Variants in PHKB observed in about 807,000 individuals in gnomAD.
PHKB encodes phosphorylase kinase regulatory subunit beta.
Under a neutral mutation model 152.1 loss-of-function variants are expected in PHKB, and 122 were observed. That is an observed-to-expected ratio of 0.80 (90% CI 0.69 to 0.93). The LOEUF (loss-of-function observed/expected upper bound fraction) is 0.93, where lower values mean the gene tolerates loss of function less well. Among genes scored for constraint, PHKB ranks in the 40% least tolerant of loss-of-function variants. PHKB has a pLI of 0.00. For synonymous variants in PHKB, 436 were observed against 464.9 expected (o/e 0.94, Z 0.80); for missense variants, 1,304 against 1,328.4 (o/e 0.98, Z 0.29).
At chr16:47,519,770 A>G (rs768573520) in intron 6 of PHKB, among the ~76,000 whole-genome samples, 1 of 152,238 alleles carries the variant, frequency 6.6e-6, no homozygotes, top group Non-Finnish European at 1.5e-5. Flanking sequence ...GGAGTTACGT[A>G]TGATCAGGAG....
chr16:47,542,075 C>G (rs907384900), intron 6 of PHKB, among the ~76,000 whole-genome samples: 1 of 152,138 alleles, frequency 6.6e-6, no homozygotes, highest in African/African-American at 2.4e-5. Context: ...CTTGCCCATG[C>G]CTATGTCCTG....
chr16:47,641,114 T>C, intron 15 of PHKB, 24 bp downstream of exon 15: 1 of 1,600,214 alleles, frequency 6.2e-7, no homozygotes, highest in Non-Finnish European at 8.6e-7. Flanking sequence ...GTGGGTGGTG[T>C]GTTTTTTTGT....
At chr16:47,489,695 T>C (rs1478721640) in intron 1 of PHKB, among the ~76,000 whole-genome samples, 1 of 152,202 alleles carries the variant, frequency 6.6e-6, no homozygotes, top group Non-Finnish European at 1.5e-5. Flanking sequence ...TTAGGAGCAC[T>C]GTACAAGAAC....
At chr16:47,511,348 C>T (rs1412089490) in intron 4 of PHKB, among the ~76,000 whole-genome samples, 2 of 152,160 alleles carry the variant, frequency 1.3e-5, no homozygotes, top group African/African-American at 4.8e-5. Context: ...TGTCTCACAA[C>T]ATAAAGCAGA....
Position 47,463,264 on chromosome 16 carries a change from C to G in PHKB, c.76+1838C>G, listed in dbSNP as rs187976248. 2.3e-3 allele frequency: 353 copies of G among 152,672 alleles called. 1 individual carries two copies. Among genetic ancestry groups the G allele is most frequent in the Non-Finnish European group, 3.4e-3 (230 of 68,010 alleles). 9.5% of individuals were successfully genotyped at this position (152,672 alleles called of 1,614,324 possible). ...CTTTTCTTAGCTGAGAAAAAAAATT[C>G]TAGTGTTAACTGTTGTTGAGTGCAG... On this transcript the variant is annotated intron_variant, in intron 1 of 30. Transcript: ENST00000323584.
At chr16:47,682,130 G>A (rs984025024) in intron 26 of PHKB, among the ~76,000 whole-genome samples, 3 of 152,134 alleles carry the variant, frequency 2.0e-5, no homozygotes, top group Non-Finnish European at 4.4e-5. Flanking sequence ...CAAGAGATCC[G>A]CTGTTAGTCT....
intron 4 of PHKB, among the ~76,000 whole-genome samples, chr16:47,504,942 G>T (rs1433502159): frequency 6.6e-6 from 1 of 152,352 alleles, no homozygotes; most frequent in East Asian, 1.9e-4. Flanking sequence ...GATGAACTGT[G>T]CCTGGTCAGG....
chr16:47,552,368 T>A (rs8051273), intron 7 of PHKB, among the ~76,000 whole-genome samples: 10,482 of 152,230 alleles, frequency 0.069, 605 homozygotes, highest in African/African-American at 0.15. Flanking sequence ...TTCCTTTCCA[T>A]ATGTAGTGCT....
At chr16:47,691,893 A>G (rs994541597) in intron 27 of PHKB, among the ~76,000 whole-genome samples, 1 of 152,190 alleles carries the variant, frequency 6.6e-6, no homozygotes. Flanking sequence ...TTGTCCTACG[A>G]AGTATCTCCT....
In PHKB at chr16:47,469,123, T is replaced by C. The variant is rs1195066010; in HGVS notation, c.76+7697T>C. ...AAGCTATATAAAAGCAGAGACTTAC[T>C]TGTTTTGTGCATAGCTGTATCCCTA... On this transcript the variant is annotated intron_variant, in intron 1 of 30. Coordinates refer to ENST00000323584, the MANE Select transcript of PHKB (RefSeq NM_000293.3). Among the ~76,000 whole-genome samples, 13 of 152,228 alleles carry C rather than the reference T, an allele frequency of 8.5e-5. 1 individual carries two copies. The highest frequency in any genetic ancestry group is 8.5e-4 in the Admixed American group (13 of 15,282).
intron 24 of PHKB, 168 bp downstream of exon 24, chr16:47,663,902 C>T (rs576178560): frequency 3.0e-5 from 19 of 639,958 alleles, no homozygotes; most frequent in African/African-American, 1.6e-4. Flanking sequence ...GTCTGTCCCC[C>T]CACTGCCTCC....
intron 1 of PHKB, among the ~76,000 whole-genome samples, chr16:47,495,358 G>C (rs903549138): frequency 3.3e-5 from 5 of 151,796 alleles, no homozygotes; most frequent in Non-Finnish European, 7.4e-5. Flanking sequence ...AATGCAGGTT[G>C]ATTTAAGTTT....
At chr16:47,513,130 G>A (rs368455480) in intron 5 of PHKB, among the ~76,000 whole-genome samples, 5 of 152,164 alleles carry the variant, frequency 3.3e-5, no homozygotes, top group East Asian at 1.9e-4. Context: ...CCCAGATTCA[G>A]CTCAGTGCTT....
intron 6 of PHKB, among the ~76,000 whole-genome samples, chr16:47,546,588 G>A (rs1050787420): frequency 3.3e-5 from 5 of 152,212 alleles, no homozygotes; most frequent in Admixed American, 3.3e-4. Context: ...GAGGCAGTTT[G>A]TCTGTTCTTA....
At chr16:47,593,418 C>A in intron 10 of PHKB, 82 bp from the exon 11 acceptor site, 1 of 794,366 alleles carries the variant, frequency 1.3e-6, no homozygotes. Flanking sequence ...CCAGCCTGGG[C>A]CACAGAGTGA....
At chr16:47,551,605 G>A (rs932769234) in intron 7 of PHKB, among the ~76,000 whole-genome samples, 1 of 152,056 alleles carries the variant, frequency 6.6e-6, no homozygotes, top group Non-Finnish European at 1.5e-5. Flanking sequence ...CCATTCTTTT[G>A]CATTTGCTGA....
intron 2 of PHKB, 22 bp downstream of exon 2, chr16:47,497,510 C>T (rs754248533): frequency 6.5e-6 from 9 of 1,390,220 alleles, no homozygotes; most frequent in East Asian, 2.3e-5. Context: ...CTGAGGAAAA[C>T]GTGTCCTTAG....
At chr16:47,550,049 A>G (rs1971244050) in intron 7 of PHKB, among the ~76,000 whole-genome samples, 1 of 152,216 alleles carries the variant, frequency 6.6e-6, no homozygotes, top group South Asian at 2.1e-4. Context: ...CCATGGTATA[A>G]CACTTTAAAA....
chr16:47,523,115 T>C (rs1970713186), intron 6 of PHKB, among the ~76,000 whole-genome samples: 1 of 152,176 alleles, frequency 6.6e-6, no homozygotes, highest in East Asian at 1.9e-4. Flanking sequence ...CTTTGTCTAG[T>C]AAGTCCAGTG....
Sources: allele counts gnomAD v4.1 joint callset (sites outside exome capture counted in the v4.1 genomes callset), GRCh38; gene constraint gnomAD v4.1.1; transcripts MANE v1.5; gene names NCBI Gene and HGNC (gene_info 2026-07-23, HGNC 2026-07-21).